DOCK1: variants seen among roughly 807,000 people sequenced by gnomAD.
The protein encoded by DOCK1 is dedicator of cytokinesis protein 1.
A neutral mutation model predicts 262.7 loss-of-function variants in DOCK1; 138 were observed. The observed-to-expected ratio is 0.53, with a 90% confidence interval of 0.46 to 0.61. The LOEUF (loss-of-function observed/expected upper bound fraction) is 0.61. Among genes scored for constraint, DOCK1 ranks in the 20% least tolerant of loss-of-function variants. DOCK1 has a pLI of 0.00. For missense variants in DOCK1, 1,908 were observed against 2,370.7 expected, an observed-to-expected ratio of 0.80 and a Z score of 4.05; for synonymous variants, 866 against 867.4, an observed-to-expected ratio of 1.00 and a Z score of 0.03.
chr10:127,438,564 C>T (rs1017779225), intron 48 of DOCK1, among the ~76,000 whole-genome samples: 1 of 152,164 alleles, frequency 6.6e-6, no homozygotes, highest in African/African-American at 2.4e-5. Context: ...ATGCAAAGTG[C>T]TTTCACCTGA....
intron 29 of DOCK1, among the ~76,000 whole-genome samples, chr10:127,328,624 C>T (rs975899261): frequency 6.6e-6 from 1 of 151,846 alleles, no homozygotes; most frequent in African/African-American, 2.4e-5. Flanking sequence ...ATGCGAGGGA[C>T]GGCAGGGACG....
chr10:127,353,406 G>A (rs945893126), intron 31 of DOCK1, among the ~76,000 whole-genome samples: 1 of 152,168 alleles, frequency 6.6e-6, no homozygotes, highest in African/African-American at 2.4e-5. Context: ...GGCAATTGGG[G>A]GGCGTGAGTT....
intron 27 of DOCK1, among the ~76,000 whole-genome samples, chr10:127,234,634 A>G (rs1217737609): frequency 6.6e-6 from 1 of 152,138 alleles, no homozygotes; most frequent in Non-Finnish European, 1.5e-5. Flanking sequence ...ACCTTGTTTC[A>G]GACTCAATAA....
chr10:127,412,880 A>G (rs1264088671), intron 43 of DOCK1, among the ~76,000 whole-genome samples: 1 of 152,234 alleles, frequency 6.6e-6, no homozygotes, highest in African/African-American at 2.4e-5. Flanking sequence ...CAGTCCCAGC[A>G]GGCTGGTTGT....
intron 40 of DOCK1, among the ~76,000 whole-genome samples, chr10:127,407,779 C>T (rs2067602170): frequency 6.6e-6 from 1 of 152,106 alleles, no homozygotes; most frequent in Non-Finnish European, 1.5e-5. Context: ...CCCGTGTCCC[C>T]TGATCAAAGA....
chr10:127,319,073 T>C (rs1399719638), intron 29 of DOCK1, among the ~76,000 whole-genome samples: 1 of 152,010 alleles, frequency 6.6e-6, no homozygotes, highest in Non-Finnish European at 1.5e-5. Flanking sequence ...ACAAAACTGA[T>C]TGCCTTCCCC....
chr10:127,064,663 G>T (rs1435942843), intron 23 of DOCK1, among the ~76,000 whole-genome samples: 1 of 152,206 alleles, frequency 6.6e-6, no homozygotes, highest in Non-Finnish European at 1.5e-5. Context: ...GCCGTGCCCA[G>T]ATGTTTCAGT....
In DOCK1 at chr10:127,175,384, T is replaced by C. The variant is rs762755076; in HGVS notation, c.2847+47620T>C. The C allele has an allele frequency of 1.3e-5, 21 of 1,613,834 alleles. No individual in the cohort carries two copies. The South Asian group carries it at 2.0e-4, about 15-fold the overall frequency. On this transcript the variant is annotated intron_variant, in intron 27 of 51. Transcript: ENST00000623213. This position sits in a 1 kb window ranked among gnomAD's most constrained non-coding sequence, Gnocchi z 6.3. Reference sequence around the variant, plus strand: ...CATTCTTCACCTGCAGCAACCGCTGTGGGACTAGGCTGGTTCCCCAGCCCC... The same window carrying C: ...CATTCTTCACCTGCAGCAACCGCTGCGGGACTAGGCTGGTTCCCCAGCCCC...
At chr10:126,972,817 C>T (rs1409999054) in intron 2 of DOCK1, among the ~76,000 whole-genome samples, 4 of 151,716 alleles carry the variant, frequency 2.6e-5, no homozygotes, top group Non-Finnish European at 4.4e-5. Context: ...AAAAAAAAAT[C>T]GACTTTAGTG....
In DOCK1 at chr10:127,452,302, T is replaced by TG. The variant is rs1417932141; in HGVS notation, c.*875_*876insG. On this transcript the variant is annotated 3_prime_UTR_variant, in exon 52 of 52. Coordinates refer to ENST00000623213, the MANE Select transcript of DOCK1 (RefSeq NM_001290223.2). ...CTTAATTTTTAACTGCTGGAAGTGTTAAAACACACACACACACACACACAC... is the reference window on the plus strand; with the variant it reads ...CTTAATTTTTAACTGCTGGAAGTGTTGAAAACACACACACACACACACACAC... 9.1e-6 allele frequency: 1 copy of TG among 109,368 alleles called. No homozygotes were observed. Among genetic ancestry groups the TG allele is most frequent in the Non-Finnish European group, 2.2e-5 (1 of 44,816 alleles). 6.8% of individuals were successfully genotyped at this position (109,368 alleles called of 1,614,324 possible).
At chr10:127,127,905 TCC>T in intron 27 of DOCK1, 141 bp downstream of exon 27, 1 of 581,406 alleles carries the variant, frequency 1.7e-6, no homozygotes, top group Non-Finnish European at 2.7e-6. Context: ...GTCCTCATTT[TCC>T]AAATGAATGT....
At chr10:127,368,579 T>G (rs568789120) in intron 33 of DOCK1, among the ~76,000 whole-genome samples, 1 of 152,080 alleles carries the variant, frequency 6.6e-6, no homozygotes, top group African/African-American at 2.4e-5. Flanking sequence ...GAGGTCCTAC[T>G]TGGGAAGATT....
intron 27 of DOCK1, among the ~76,000 whole-genome samples, chr10:127,142,438 T>C (rs558160358): frequency 6.6e-6 from 1 of 152,182 alleles, no homozygotes; most frequent in Admixed American, 6.5e-5. Flanking sequence ...CAGGGGAGTG[T>C]CCATGTCATG....
At chr10:127,097,308 T>A (rs2047969488) in intron 23 of DOCK1, among the ~76,000 whole-genome samples, 1 of 152,160 alleles carries the variant, frequency 6.6e-6, no homozygotes, top group Non-Finnish European at 1.5e-5. Flanking sequence ...AGTTCCTGAT[T>A]GCCTGGATAT....
intron 33 of DOCK1, among the ~76,000 whole-genome samples, chr10:127,366,972 T>C (rs1410879870): frequency 6.6e-6 from 1 of 152,208 alleles, no homozygotes; most frequent in African/African-American, 2.4e-5. Flanking sequence ...TAAAGGTTGC[T>C]GTGTCTTTTG....
chr10:127,042,760 TC>T, intron 20 of DOCK1, 46 bp downstream of exon 20: 7 of 1,592,830 alleles, frequency 4.4e-6, no homozygotes, highest in Non-Finnish European at 5.2e-6. Context: ...ACAGCGTTCT[TC>T]CATGCTGCAG....
In DOCK1 at chr10:126,958,572, G is replaced by A. The variant is rs1328239628; in HGVS notation, c.47-12130G>A. ...ACCGGAGGCTGGGTATTCTGGAGCCGTTGGTGGGGTCAGGGCTCTGTTAGG... is the reference window on the plus strand; with the variant it reads ...ACCGGAGGCTGGGTATTCTGGAGCCATTGGTGGGGTCAGGGCTCTGTTAGG... On this transcript the variant is annotated intron_variant, in intron 1 of 51. Transcript: ENST00000623213. Among the ~76,000 whole-genome samples the A allele has an allele frequency of 3.3e-5, 5 of 152,278 alleles. No individual in the cohort carries two copies. In the South Asian group the frequency reaches 6.2e-4, roughly 19 times the overall value.
chr10:127,371,740 T>C (rs1160290849), intron 33 of DOCK1, among the ~76,000 whole-genome samples: 1 of 152,234 alleles, frequency 6.6e-6, no homozygotes, highest in Non-Finnish European at 1.5e-5. Context: ...ATCTTTGAAG[T>C]CTGTCTGGAT....
At chr10:126,952,615 T>G (rs963005561) in intron 1 of DOCK1, among the ~76,000 whole-genome samples, 2 of 152,026 alleles carry the variant, frequency 1.3e-5, no homozygotes, top group Admixed American at 1.3e-4. Flanking sequence ...TTATTCTTGG[T>G]AGTATTGTTG....
Sources: allele counts gnomAD v4.1 joint callset (sites outside exome capture counted in the v4.1 genomes callset), GRCh38; gene constraint gnomAD v4.1.1; non-coding constraint Gnocchi (gnomAD v3.1); transcripts MANE v1.5; gene names NCBI Gene and HGNC (gene_info 2026-07-23, HGNC 2026-07-21).